The following POMGNT2 variants were observed in gnomAD, a reference collection of about 807,000 sequenced individuals.
POMGNT2 encodes protein O-linked mannose N-acetylglucosaminyltransferase 2 (beta 1,4-), also known as protein O-linked-mannose beta-1,4-N-acetylglucosaminyltransferase 2.
A neutral mutation model predicts 37.8 loss-of-function variants in POMGNT2; 32 were observed. The ratio of observed to expected loss-of-function variants is 0.85; its 90% CI spans 0.64 to 1.14. POMGNT2 has a LOEUF of 1.14. Ranked by LOEUF, POMGNT2 falls within the 50% of genes most tolerant of loss-of-function variation. The probability of loss-of-function intolerance (pLI) is 0.00; values close to 1 mark genes in which losing one functional copy is unlikely to be tolerated. For missense variants in POMGNT2, 705 were observed against 780.6 expected (o/e 0.90, Z 1.15); for synonymous variants, 340 against 336.8 (o/e 1.01, Z -0.10).
intron 1 of POMGNT2, among the ~76,000 whole-genome samples, chr3:43,086,083 C>T (rs990840842): frequency 2.0e-5 from 3 of 152,154 alleles, no homozygotes; most frequent in Non-Finnish European, 4.4e-5. Flanking sequence ...TCTATTTTGA[C>T]CAGAACCTGA....
intron 1 of POMGNT2, chr3:43,090,514 T>A (rs1214963516): frequency 1.3e-5 from 2 of 152,090 alleles, no homozygotes; most frequent in African/African-American, 4.8e-5. Flanking sequence ...TATGGACAGT[T>A]CTTCTCAAGA....
At chr3:43,103,013 A>T (rs1268799690) in intron 1 of POMGNT2, among the ~76,000 whole-genome samples, 1 of 151,892 alleles carries the variant, frequency 6.6e-6, no homozygotes, top group East Asian at 1.9e-4. Context: ...TGGCTTAGGG[A>T]GCTGTGGCCA....
chr3:43,080,947 T>C lies in POMGNT2; in HGVS notation c.485A>G (p.Asp162Gly), dbSNP rs771977831. ...GTCATGAAAGACGTGCATGAGGTTGTCGGGGTTGAAGCGGTTGGCGATGAG... is the reference window on the plus strand; with the variant it reads ...GTCATGAAAGACGTGCATGAGGTTGCCGGGGTTGAAGCGGTTGGCGATGAG... ...VALIANRFNP[D>G]NLMHVFHDDL... The change falls in exon 2 of 2, where the codon GAC (aspartate) becomes GGC (glycine). Residue 162 changes from aspartate (D) to glycine (G), a missense_variant. Asp to Gly is a moderately conservative substitution (Grantham distance 94). Coordinates refer to ENST00000344697, the MANE Select transcript of POMGNT2 (RefSeq NM_032806.6). 6.2e-7 allele frequency: 1 copy of C among 1,614,130 alleles called. No homozygotes were observed. The highest frequency in any genetic ancestry group is 1.7e-5 in the Admixed American group (1 of 60,028).
chr3:43,083,110 A>T (rs886926672), intron 1 of POMGNT2, among the ~76,000 whole-genome samples: 3 of 152,210 alleles, frequency 2.0e-5, no homozygotes, highest in African/African-American at 7.2e-5. Context: ...TTGGGCCCAC[A>T]CATATGAATA....
At chr3:43,094,724 C>T (rs1430251771) in intron 1 of POMGNT2, among the ~76,000 whole-genome samples, 1 of 152,228 alleles carries the variant, frequency 6.6e-6, no homozygotes, top group Non-Finnish European at 1.5e-5. Flanking sequence ...CCCACTTCAT[C>T]TGTCTCCTGG....
intron 1 of POMGNT2, among the ~76,000 whole-genome samples, chr3:43,095,018 G>T (rs1019867814): frequency 6.6e-6 from 1 of 152,206 alleles, no homozygotes; most frequent in Non-Finnish European, 1.5e-5. Context: ...TGCTATGCTA[G>T]GTCCCTCACA....
chr3:43,081,433 C>T lies in POMGNT2; in HGVS notation c.-2G>A, dbSNP rs757620364. On this transcript the variant is annotated 5_prime_UTR_variant, in exon 2 of 2. Transcript: ENST00000344697. ...GTTGAACACCGCCGAGAGGTGCATC[C>T]TAATGCCACTGTGGGGCCCTAATGA... The T allele has an allele frequency of 7.7e-6, 12 of 1,549,878 alleles. No individual in the cohort carries two copies. In the Admixed American group the frequency reaches 2.1e-4, roughly 27 times the overall value.
At chr3:43,089,879 A>G (rs1364226651) in intron 1 of POMGNT2, among the ~76,000 whole-genome samples, 1 of 152,162 alleles carries the variant, frequency 6.6e-6, no homozygotes, top group Non-Finnish European at 1.5e-5. Flanking sequence ...CCCTGCAGAA[A>G]GGAGAATATA....
rs1166212696 is a variant in POMGNT2, at chr3:43,105,989, C to T, written c.-259G>A. On this transcript the variant is annotated 5_prime_UTR_variant, in exon 1 of 2. Transcript: ENST00000344697. ...CAGGCAGCCAGCACAGGTTTGGCCG[C>T]GCCGCCGGGTTCGCAGCGACCGCCA... 2 of 151,804 alleles carry T rather than the reference C, an allele frequency of 1.3e-5. No homozygotes were observed. Among genetic ancestry groups the T allele is most frequent in the East Asian group, 3.9e-4 (2 of 5,102 alleles). 9.4% of individuals were successfully genotyped at this position (151,804 alleles called of 1,614,324 possible). A position where few individuals can be genotyped will look rare whatever the true frequency, so the allele number is the denominator to read the frequency against.
intron 1 of POMGNT2, among the ~76,000 whole-genome samples, chr3:43,097,298 G>A (rs2089986589): frequency 6.6e-6 from 1 of 152,202 alleles, no homozygotes; most frequent in African/African-American, 2.4e-5. Flanking sequence ...CAGCTGATGA[G>A]AGAATGGCGG....
intron 1 of POMGNT2, among the ~76,000 whole-genome samples, chr3:43,099,304 G>T (rs78166462): frequency 0.015 from 2,214 of 152,292 alleles, 55 homozygotes; most frequent in African/African-American, 0.051. Context: ...TGCACAACAA[G>T]AGATCATCCA....
chr3:43,080,603 C>T lies in POMGNT2; in HGVS notation c.829G>A (p.Val277Met), dbSNP rs191081141. The change falls in exon 2 of 2, where the codon GTG (valine) becomes ATG (methionine). Residue 277 changes from valine to methionine, a missense_variant. Transcript: ENST00000344697. Reference protein sequence around the residue: ...FARFMTEKLNVSHTGVPLGEE... With the variant: ...FARFMTEKLNMSHTGVPLGEE... The stretch of plus-strand genomic sequence containing the variant: ...CCTAGGGGGACTCCTGTGTGGCTCA[C>T]GTTCAGCTTTTCTGTCATGAACCGT... 33 of 1,614,222 alleles carry T rather than the reference C, an allele frequency of 2.0e-5. No individual in the cohort carries two copies. In the Admixed American group the frequency reaches 2.2e-4, roughly 11 times the overall value.
At chr3:43,090,479 C>T (rs2089934313) in intron 1 of POMGNT2, 1 of 152,098 alleles carries the variant, frequency 6.6e-6, no homozygotes. Context: ...GCCATAAGAA[C>T]CAACTAACCT....
intron 1 of POMGNT2, among the ~76,000 whole-genome samples, chr3:43,083,485 T>G (rs2089872159): frequency 6.6e-6 from 1 of 152,228 alleles, no homozygotes; most frequent in African/African-American, 2.4e-5. Context: ...TTCTTTTATT[T>G]CCTGCCTTCT....
In POMGNT2 at chr3:43,080,775, C is replaced by G; in HGVS notation, c.657G>C (p.Gln219His). ...ACAGCAGCCGGCCCAGGGTCTTCAG[C>G]TGTGCCCGCAGGAGAGGCTGCTTGG... is the stretch of plus-strand genomic sequence containing the variant. ...LSPKQPLLRAQLKTLGRLLCF... is the reference protein window; with the variant it reads ...LSPKQPLLRAHLKTLGRLLCF... Residue 219 changes from glutamine to histidine, a missense_variant, in exon 2 of 2, where the codon CAG becomes CAC. Gln to His is a conservative substitution (Grantham distance 24). Coordinates refer to ENST00000344697, the MANE Select transcript of POMGNT2 (RefSeq NM_032806.6). 1 of 1,614,124 alleles carries G rather than the reference C, an allele frequency of 6.2e-7. No individual in the cohort carries two copies. Among genetic ancestry groups the G allele is most frequent in the South Asian group, 1.1e-5 (1 of 91,088 alleles).
chr3:43,089,211 T>G (rs969885902), intron 1 of POMGNT2, among the ~76,000 whole-genome samples: 2 of 152,196 alleles, frequency 1.3e-5, no homozygotes, highest in Admixed American at 1.3e-4. Context: ...GGGCAGAAGG[T>G]GGGCTTCAGT....
intron 1 of POMGNT2, among the ~76,000 whole-genome samples, chr3:43,105,181 AGAGAGTTCCCATCAGTGAGCTGGAGAC>A (rs2090048789): frequency 6.6e-6 from 1 of 152,196 alleles, no homozygotes; most frequent in Non-Finnish European, 1.5e-5. Flanking sequence ...ATACTTTAGC[AGAGAGTTCCCATCAGTGAGCTGGAGAC>A]GGGTTCCTAA....
At chr3:43,083,165 C>T (rs563904929) in intron 1 of POMGNT2, among the ~76,000 whole-genome samples, 3 of 152,200 alleles carry the variant, frequency 2.0e-5, no homozygotes, top group South Asian at 2.1e-4. Context: ...TGAAAATTAC[C>T]GTGACCAAGT....
At position 43,079,649 on chromosome 3, in the gene POMGNT2, G is replaced by A. The variant is rs370391130; in HGVS notation, c.*40C>T. ...TTAATGGGCCCAGGGACGCTGAACT[G>A]CAGGAGCCACCTTCCCGAGGCCAGG... On this transcript the variant is annotated 3_prime_UTR_variant, in exon 2 of 2. Transcript: ENST00000344697. 22 of 1,569,590 alleles carry A rather than the reference G, an allele frequency of 1.4e-5. No individual in the cohort carries two copies. In the African/African-American group the frequency reaches 2.7e-4, roughly 19 times the overall value.
Sources: gnomAD v4.1 joint callset for allele counts (sites outside exome capture counted in the v4.1 genomes callset) on GRCh38, gnomAD v4.1.1 for gene constraint, MANE v1.5 for transcripts, NCBI Gene and HGNC (gene_info 2026-07-23, HGNC 2026-07-21) for gene names.